The following OPCML variants were observed in gnomAD, a reference collection of about 807,000 sequenced individuals.
OPCML encodes the protein opioid binding protein/cell adhesion molecule like.
A neutral mutation model predicts 37.8 loss-of-function variants in OPCML; 13 were observed. The ratio of observed to expected loss-of-function variants is 0.34; its 90% CI spans 0.22 to 0.55. The LOEUF is 0.55. Ranked by LOEUF, OPCML falls within the 20% of genes least tolerant of loss-of-function variation. The pLI, the probability that OPCML is intolerant of heterozygous loss-of-function variation, is 0.91. For missense variants in OPCML, 341 were observed against 435.6 expected, an observed-to-expected ratio of 0.78 and a Z score of 1.93; for synonymous variants, 176 against 168.8, an observed-to-expected ratio of 1.04 and a Z score of -0.33.
intron 3 of OPCML, among the ~76,000 whole-genome samples, chr11:132,576,496 T>A (rs1322396594): frequency 6.6e-6 from 1 of 152,142 alleles, no homozygotes; most frequent in Non-Finnish European, 1.5e-5. Context: ...TAAAAAATAT[T>A]TGTATCTCTT....
chr11:132,521,880 T>C (rs2137251043), intron 4 of OPCML, among the ~76,000 whole-genome samples: 1 of 152,356 alleles, frequency 6.6e-6, no homozygotes, highest in Non-Finnish European at 1.5e-5. Flanking sequence ...TCTTTGTGTA[T>C]AGTTCGGCAA....
chr11:133,260,512 A>T (rs987408767), intron 1 of OPCML, among the ~76,000 whole-genome samples: 11 of 152,088 alleles, frequency 7.2e-5, no homozygotes, highest in Admixed American at 5.9e-4. Context: ...TGGGATTTGC[A>T]TCTGGACTGA....
At chr11:132,874,418 C>T (rs969971006) in intron 2 of OPCML, among the ~76,000 whole-genome samples, 3 of 149,444 alleles carry the variant, frequency 2.0e-5, no homozygotes, top group Non-Finnish European at 3.0e-5. Context: ...CCCTCCCTCC[C>T]TCCCTTCCTT....
chr11:132,828,239 G>A (rs1053176200), intron 2 of OPCML, among the ~76,000 whole-genome samples: 3 of 152,126 alleles, frequency 2.0e-5, no homozygotes, highest in South Asian at 2.1e-4. Context: ...TGGGGTGGGG[G>A]CAGGAAGGGA....
chr11:132,528,376 A>G (rs917558946), intron 4 of OPCML, among the ~76,000 whole-genome samples: 4 of 152,198 alleles, frequency 2.6e-5, no homozygotes, highest in African/African-American at 9.7e-5. Context: ...GCTTTTAGTA[A>G]CAGTGTAAAT....
rs372255337 is a variant in OPCML at position 133,212,073 on chromosome 11, G to GGGTGGGGTTACACCTGCATAGTGA, written c.62-269087_62-269064dup. 0.014 allele frequency among the ~76,000 whole-genome samples: 2,196 copies of GGGTGGGGTTACACCTGCATAGTGA among 152,078 alleles called. 41 individuals are homozygous for GGGTGGGGTTACACCTGCATAGTGA. Among genetic ancestry groups the GGGTGGGGTTACACCTGCATAGTGA allele is most frequent in the African/African-American group, 0.05 (2,059 of 41,384 alleles). ...ATCACTCTAAGCAGAGCCTTTAAAG[G>GGGTGGGGTTACACCTGCATAGTGA]GGTGGGGTTACACCTGCATAGTGAG... On this transcript the variant is annotated intron_variant, in intron 1 of 7. Coordinates refer to ENST00000524381, the MANE Select transcript of OPCML (RefSeq NM_001012393.5). The surrounding 1 kb of genome is among the most constrained non-coding windows in gnomAD (Gnocchi z 4.9).
At chr11:132,913,562 G>A (rs144512470) in intron 2 of OPCML, among the ~76,000 whole-genome samples, 2,449 of 152,220 alleles carry the variant, frequency 0.016, 64 homozygotes, top group African/African-American at 0.056. Context: ...GCAGAAAGAT[G>A]CACTGAGGCC....
At chr11:133,306,074 A>T (rs1942908024) in intron 1 of OPCML, among the ~76,000 whole-genome samples, 1 of 152,192 alleles carries the variant, frequency 6.6e-6, no homozygotes, top group South Asian at 2.1e-4. Flanking sequence ...TATTATCTTA[A>T]GTATTGCAAT....
intron 1 of OPCML, among the ~76,000 whole-genome samples, chr11:133,260,013 A>G (rs937431633): frequency 6.6e-6 from 1 of 152,162 alleles, no homozygotes; most frequent in African/African-American, 2.4e-5. Context: ...GGGCATCGGT[A>G]ACAAACCAAG....
intron 1 of OPCML, among the ~76,000 whole-genome samples, chr11:133,146,231 T>C (rs1479762015): frequency 1.3e-5 from 2 of 151,954 alleles, no homozygotes; most frequent in Non-Finnish European, 2.9e-5. Flanking sequence ...AGTGAGCTGA[T>C]GCTTGGAGCT....
At chr11:132,454,792 T>C (rs909355689) in intron 4 of OPCML, among the ~76,000 whole-genome samples, 11 of 152,194 alleles carry the variant, frequency 7.2e-5, no homozygotes, top group African/African-American at 2.2e-4. Context: ...AATTGCTTCA[T>C]AACTGCAGGG....
chr11:133,228,755 G>T (rs534644486), intron 1 of OPCML, among the ~76,000 whole-genome samples: 5 of 152,240 alleles, frequency 3.3e-5, no homozygotes. Context: ...GGCTTCGCAT[G>T]AAAAATGATT....
intron 2 of OPCML, among the ~76,000 whole-genome samples, chr11:132,736,539 A>C (rs1945266756): frequency 6.6e-6 from 1 of 152,168 alleles, no homozygotes; most frequent in African/African-American, 2.4e-5. Context: ...ATTATGGTTG[A>C]TTTGTGTGTC....
chr11:133,100,008 T>A (rs1406729285), intron 1 of OPCML, among the ~76,000 whole-genome samples: 4 of 152,232 alleles, frequency 2.6e-5, no homozygotes, highest in Non-Finnish European at 5.9e-5. Flanking sequence ...AAAGGAATTA[T>A]GTTATTTGTA....
intron 1 of OPCML, among the ~76,000 whole-genome samples, chr11:133,142,204 A>G (rs1309750141): frequency 6.6e-6 from 1 of 152,214 alleles, no homozygotes; most frequent in Non-Finnish European, 1.5e-5. Context: ...TGTTCTGACA[A>G]TATGCTTCAC....
Position 133,100,737 on chromosome 11 carries a change from T to C in OPCML, c.62-157727A>G, listed in dbSNP as rs1350777133. Among the ~76,000 whole-genome samples the C allele has an allele frequency of 5.9e-5, 9 of 152,310 alleles. No individual in the cohort carries two copies. The East Asian group carries it at 1.2e-3, about 20-fold the overall frequency. On this transcript the variant is annotated intron_variant, in intron 1 of 7. Coordinates refer to ENST00000524381, the MANE Select transcript of OPCML (RefSeq NM_001012393.5). ...AGTAAAGATAGTCCTCAATGAATCA[T>C]GCTGGAACAACTAGACATGCACATA...
chr11:133,081,242 T>C (rs1948712090), intron 1 of OPCML, among the ~76,000 whole-genome samples: 1 of 152,076 alleles, frequency 6.6e-6, no homozygotes, highest in Non-Finnish European at 1.5e-5. Flanking sequence ...GGGTTAGGGC[T>C]CTTTGAACAG....
intron 1 of OPCML, among the ~76,000 whole-genome samples, chr11:133,512,275 T>C (rs962837570): frequency 6.6e-6 from 1 of 152,220 alleles, no homozygotes; most frequent in African/African-American, 2.4e-5. Flanking sequence ...TTTGATTGAT[T>C]TACTAGAGCG....
chr11:132,758,928 G>C (rs886456549), intron 2 of OPCML, among the ~76,000 whole-genome samples: 1 of 152,132 alleles, frequency 6.6e-6, no homozygotes, highest in Admixed American at 6.5e-5. Context: ...TATGATATTG[G>C]TTGTGGGTTT....
Sources: allele counts gnomAD v4.1 joint callset (sites outside exome capture counted in the v4.1 genomes callset), GRCh38; gene constraint gnomAD v4.1.1; non-coding constraint Gnocchi (gnomAD v3.1); transcripts MANE v1.5; gene names NCBI Gene and HGNC (gene_info 2026-07-23, HGNC 2026-07-21).